Variants in COL4A1 observed in about 807,000 individuals in gnomAD.
COL4A1 encodes collagen type IV alpha 1 chain, also known as collagen alpha-1(IV) chain.
In COL4A1, 40 loss-of-function variants were observed where a neutral mutation model predicts 216.6. That is an observed-to-expected ratio of 0.18 (90% CI 0.14 to 0.24). COL4A1 has a LOEUF of 0.24. COL4A1 is among the 10% of genes least tolerant of loss of function. COL4A1 has a pLI of 1.00. For missense variants in COL4A1, 1,628 were observed against 2,196.8 expected (o/e 0.74, Z 5.18); for synonymous variants, 839 against 810.7 (o/e 1.03, Z -0.59).
chr13:110,156,521 C>A (rs1208567069), intron 49 of COL4A1, among the ~76,000 whole-genome samples: 1 of 152,208 alleles, frequency 6.6e-6, no homozygotes, highest in Non-Finnish European at 1.5e-5. Context: ...GCTGAAGTGA[C>A]CTCCAGAGGA....
At chr13:110,182,689 C>T (rs934213017) in intron 28 of COL4A1, among the ~76,000 whole-genome samples, 2 of 152,212 alleles carry the variant, frequency 1.3e-5, no homozygotes, top group African/African-American at 4.8e-5. Flanking sequence ...AGGTGGACTG[C>T]GAGTCTTCCT....
At chr13:110,279,440 T>C (rs181006394) in intron 1 of COL4A1, among the ~76,000 whole-genome samples, 95 of 152,294 alleles carry the variant, frequency 6.2e-4, no homozygotes, top group African/African-American at 2.2e-3. Context: ...GACTAGTGTT[T>C]CCAGGAAGAT....
intron 4 of COL4A1, 102 bp downstream of exon 4, chr13:110,213,680 G>A: frequency 8.4e-7 from 1 of 1,191,566 alleles, no homozygotes; most frequent in Non-Finnish European, 1.2e-6. Flanking sequence ...GAGAGGAGAT[G>A]GAGGACGAGG....
In COL4A1 at chr13:110,161,373, G is replaced by A; in HGVS notation, c.4463-4C>T. 1 of 1,606,894 alleles carries A rather than the reference G, an allele frequency of 6.2e-7. No individual in the cohort carries two copies. ...CGCAGGCAGCTGCCGGCCGTGCCTA[G>A]ACAAGGAAGAAGACAATGTGAGATG... On this transcript the variant is annotated splice_region_variant and splice_polypyrimidine_tract_variant and intron_variant, in intron 48 of 51. Transcript: ENST00000375820.
At chr13:110,163,586 T>G (rs1594537670) in intron 46 of COL4A1, 25 bp from the exon 47 acceptor site, 10 of 1,583,042 alleles carry the variant, frequency 6.3e-6, no homozygotes, top group Middle Eastern at 1.7e-4. Flanking sequence ...AAATAATTTA[T>G]GATCCTGTAT....
At chr13:110,241,414 A>G (rs1403470444) in intron 2 of COL4A1, among the ~76,000 whole-genome samples, 3 of 152,162 alleles carry the variant, frequency 2.0e-5, no homozygotes, top group Admixed American at 6.5e-5. Context: ...TGGGACCCCA[A>G]AGTTCTCCAT....
At chr13:110,261,766 G>C (rs769824605) in intron 1 of COL4A1, among the ~76,000 whole-genome samples, 1 of 152,234 alleles carries the variant, frequency 6.6e-6, no homozygotes, top group Non-Finnish European at 1.5e-5. Flanking sequence ...GGCTCTGCCA[G>C]ACATTGTCTC....
rs767136760 is a variant in COL4A1 at position 110,173,896 on chromosome 13, A to G, written c.3505+4T>C. The G allele has an allele frequency of 4.3e-6, 7 of 1,614,144 alleles. No individual in the cohort carries two copies. The highest frequency in any genetic ancestry group is 5.1e-6 in the Non-Finnish European group (6 of 1,179,988). ...CTGATAGGGAATGGGGCGTTGGGCC[A>G]TACCTGGTTCACCCTTCTCTCCTGC... On this transcript the variant is annotated splice_donor_region_variant and intron_variant, in intron 40 of 51. Transcript: ENST00000375820.
At chr13:110,291,635 C>T (rs916230993) in intron 1 of COL4A1, among the ~76,000 whole-genome samples, 2 of 152,186 alleles carry the variant, frequency 1.3e-5, no homozygotes, top group Non-Finnish European at 2.9e-5. Flanking sequence ...TGTGCAGAGC[C>T]CTGACTGCCC....
intron 21 of COL4A1, among the ~76,000 whole-genome samples, chr13:110,198,234 T>C (rs1043219225): frequency 2.6e-5 from 4 of 152,178 alleles, no homozygotes; most frequent in Non-Finnish European, 4.4e-5. Flanking sequence ...CAGAGGTGGT[T>C]AACGTGTTAT....
intron 43 of COL4A1, 124 bp from the exon 44 acceptor site, chr13:110,167,354 TG>T: frequency 3.8e-6 from 3 of 781,014 alleles, no homozygotes; most frequent in Non-Finnish European, 7.0e-6. Flanking sequence ...TGTGAACAAA[TG>T]GTGCCTTGTG....
At chr13:110,277,906 A>G (rs546754241) in intron 1 of COL4A1, among the ~76,000 whole-genome samples, 2 of 152,210 alleles carry the variant, frequency 1.3e-5, no homozygotes, top group East Asian at 3.9e-4. Flanking sequence ...TTCCCATATC[A>G]TCTTTTATAA....
chr13:110,193,284 T>C (rs1878728053), intron 22 of COL4A1, among the ~76,000 whole-genome samples: 1 of 152,254 alleles, frequency 6.6e-6, no homozygotes, highest in East Asian at 1.9e-4. Flanking sequence ...TTGTCTGTAA[T>C]GTGAAAACTA....
At chr13:110,191,436 G>C (rs1354297121) in intron 24 of COL4A1, 1 of 404,886 alleles carries the variant, frequency 2.5e-6, no homozygotes, top group African/African-American at 2.1e-5. Context: ...AAATACGAGA[G>C]GAACAATGCC....
In COL4A1 at chr13:110,163,541, T is replaced by A; in HGVS notation, c.4171A>T (p.Ile1391Leu). Reference protein sequence around the residue: ...GQQGVTGLVGIPGPPGIPGFD... With the variant: ...GQQGVTGLVGLPGPPGIPGFD... Reference sequence around the variant, plus strand: ...CCAGGAATACCTGGAGGTCCAGGTATACCCACCAATCCTGTAACACCTGAG... The same window carrying A: ...CCAGGAATACCTGGAGGTCCAGGTAAACCCACCAATCCTGTAACACCTGAG... The change falls in exon 47 of 52, where the codon ATA becomes TTA. Residue 1391 changes from isoleucine to leucine, a missense_variant. By Grantham distance (5) the Ile-to-Leu change is conservative. Transcript: ENST00000375820. The A allele has an allele frequency of 1.9e-6, 3 of 1,614,094 alleles. No individual in the cohort carries two copies. Among genetic ancestry groups the A allele is most frequent in the Non-Finnish European group, 2.5e-6 (3 of 1,179,974 alleles).
At chr13:110,243,791 T>G (rs927059719) in intron 1 of COL4A1, among the ~76,000 whole-genome samples, 12 of 152,358 alleles carry the variant, frequency 7.9e-5, no homozygotes, top group African/African-American at 2.9e-4. Context: ...TCAAGATAGG[T>G]AGTGCCATCC....
At chr13:110,276,186 T>C (rs1031593129) in intron 1 of COL4A1, among the ~76,000 whole-genome samples, 2 of 152,138 alleles carry the variant, frequency 1.3e-5, no homozygotes, top group African/African-American at 4.8e-5. Context: ...GAACTCTTGG[T>C]ACCTTCTGTA....
intron 28 of COL4A1, 57 bp downstream of exon 28, chr13:110,182,936 C>G (rs1399843916): frequency 6.6e-6 from 10 of 1,523,402 alleles, no homozygotes; most frequent in Non-Finnish European, 9.0e-6. Context: ...ACCACCTCCT[C>G]TTTTCTCACA....
chr13:110,184,803 T>C (rs894051931), intron 26 of COL4A1, among the ~76,000 whole-genome samples: 3 of 152,072 alleles, frequency 2.0e-5, no homozygotes, highest in African/African-American at 7.2e-5. Context: ...CTCCGCCTCC[T>C]GGATTCAAGC....
Sources: allele counts gnomAD v4.1 joint callset (sites outside exome capture counted in the v4.1 genomes callset), GRCh38; gene constraint gnomAD v4.1.1; transcripts MANE v1.5; gene names NCBI Gene and HGNC (gene_info 2026-07-23, HGNC 2026-07-21).